GUCA1C: variants seen among roughly 807,000 people sequenced by gnomAD.
GUCA1C encodes guanylate cyclase activator 1C, also known as guanylyl cyclase-activating protein 3.
Under a neutral mutation model 16.2 loss-of-function variants are expected in GUCA1C, and 15 were observed. The ratio of observed to expected loss-of-function variants is 0.93; its 90% confidence interval spans 0.62 to 1.43. The LOEUF (loss-of-function observed/expected upper bound fraction) is 1.43. GUCA1C is among the 40% of genes most tolerant of loss of function. The probability of loss-of-function intolerance (pLI) is 0.00; values close to 1 mark genes in which losing one functional copy is unlikely to be tolerated. For synonymous variants in GUCA1C, 78 were observed against 85.4 expected (o/e 0.91, Z 0.48); for missense variants, 275 against 244.8 (o/e 1.12, Z -0.82).
At chr3:108,947,890 G>T (rs1015660196) in intron 1 of GUCA1C, among the ~76,000 whole-genome samples, 1 of 152,094 alleles carries the variant, frequency 6.6e-6, no homozygotes. Flanking sequence ...CATCAGATTT[G>T]TTAAATATTA....
chr3:108,910,906 C>T lies in GUCA1C; in HGVS notation c.443-2697G>A, dbSNP rs555407286. Among the ~76,000 whole-genome samples the T allele has an allele frequency of 3.9e-5, 6 of 152,086 alleles. No individual in the cohort carries two copies. In the South Asian group the frequency reaches 8.3e-4, roughly 21 times the overall value. ...ACCTCGTGATCCACCCACCTCGGCC[C>T]CCCAAAGTGCTGGGATTACAGGCGT... On this transcript the variant is annotated intron_variant, in intron 3 of 3. Transcript: ENST00000261047.
At chr3:108,924,072 G>T (rs1946596375) in intron 1 of GUCA1C, among the ~76,000 whole-genome samples, 1 of 151,928 alleles carries the variant, frequency 6.6e-6, no homozygotes, top group Non-Finnish European at 1.5e-5. Context: ...AGTTCTTTAG[G>T]TATATGATCA....
chr3:108,953,012 T>TA (rs1489715970), intron 1 of GUCA1C, among the ~76,000 whole-genome samples: 1 of 152,224 alleles, frequency 6.6e-6, no homozygotes, highest in East Asian at 1.9e-4. Flanking sequence ...TGTCTGAATT[T>TA]AAAACTGTTA....
At position 108,931,865 on chromosome 3, in the gene GUCA1C, C is replaced by CTTTTT. The variant is rs59451506; in HGVS notation, c.205-11285_205-11281dup. ...AAGGGAACAGTTTTTTTTCTTCCTT[C>CTTTTT]TTTTTTTTTTTTTTTTTTTTTGAGA... On this transcript the variant is annotated intron_variant, in intron 1 of 3. Transcript: ENST00000261047. 3.4e-3 allele frequency among the ~76,000 whole-genome samples: 372 copies of CTTTTT among 110,074 alleles called. 48 individuals are homozygous for CTTTTT. Among genetic ancestry groups the CTTTTT allele is most frequent in the Non-Finnish European group, 4.2e-3 (236 of 56,550 alleles). 72.2% of individuals were successfully genotyped at this position (110,074 alleles called of 152,430 possible).
chr3:108,935,213 G>A (rs376558691), intron 1 of GUCA1C, among the ~76,000 whole-genome samples: 1 of 152,006 alleles, frequency 6.6e-6, no homozygotes, highest in Non-Finnish European at 1.5e-5. Context: ...GAGAGGAAGG[G>A]AGCAGGTGTT....
intron 1 of GUCA1C, among the ~76,000 whole-genome samples, chr3:108,933,911 C>T (rs749828208): frequency 1.3e-5 from 2 of 152,096 alleles, no homozygotes; most frequent in Non-Finnish European, 2.9e-5. Context: ...TTCACAATAG[C>T]AAAGACTTGG....
intron 1 of GUCA1C, among the ~76,000 whole-genome samples, chr3:108,921,427 T>G (rs1361827900): frequency 6.6e-6 from 1 of 152,194 alleles, no homozygotes; most frequent in Non-Finnish European, 1.5e-5. Context: ...AGATTTCTTG[T>G]GGACTTAAGT....
chr3:108,927,840 A>T (rs1030295382), intron 1 of GUCA1C, among the ~76,000 whole-genome samples: 3 of 152,138 alleles, frequency 2.0e-5, no homozygotes, highest in African/African-American at 7.2e-5. Context: ...TCATTTGGGT[A>T]GACTATAACA....
rs757566635 is a variant in GUCA1C, at chr3:108,908,201, T to C, written c.451A>G (p.Thr151Ala). Reference protein sequence around the residue: ...KIDINNDGELTLEEFINGMAK... With the variant: ...KIDINNDGELALEEFINGMAK... ...ATGCCATTGATAAATTCTTCTAAAG[T>C]CAATTCCCCTGGAAAATAATAAACA... is the stretch of plus-strand genomic sequence containing the variant. Residue 151 changes from threonine to alanine, a missense_variant, in exon 4 of 4, where the codon ACT (threonine) becomes GCT (alanine). Coordinates refer to ENST00000261047, the MANE Select transcript of GUCA1C (RefSeq NM_005459.4). 1 of 1,609,938 alleles carries C rather than the reference T, an allele frequency of 6.2e-7. No homozygotes were observed. Among genetic ancestry groups the C allele is most frequent in the Non-Finnish European group, 8.5e-7 (1 of 1,176,514 alleles).
intron 1 of GUCA1C, among the ~76,000 whole-genome samples, chr3:108,926,683 T>G (rs547542147): frequency 1.3e-5 from 2 of 152,256 alleles, no homozygotes; most frequent in African/African-American, 4.8e-5. Context: ...GATTTCACCA[T>G]GTTAGCTAGG....
chr3:108,953,961 C>T (rs1946925707), upstream of GUCA1C: 6 of 573,648 alleles, frequency 1.0e-5, no homozygotes, highest in South Asian at 1.4e-4. Flanking sequence ...ACCAAGGTCA[C>T]TTGGCACTTG....
At chr3:108,927,443 T>G (rs1314281796) in intron 1 of GUCA1C, among the ~76,000 whole-genome samples, 1 of 151,316 alleles carries the variant, frequency 6.6e-6, no homozygotes, top group Non-Finnish European at 1.5e-5. Context: ...TTTTTTTTTT[T>G]TTTTTGTCTC....
intron 1 of GUCA1C, among the ~76,000 whole-genome samples, chr3:108,927,822 G>T (rs1379167492): frequency 2.0e-5 from 3 of 152,060 alleles, no homozygotes; most frequent in Non-Finnish European, 4.4e-5. Flanking sequence ...TGTTTTTCTG[G>T]TTCCTTCTCA....
intron 3 of GUCA1C, chr3:108,915,905 T>C (rs903266855): frequency 3.8e-5 from 21 of 556,652 alleles, no homozygotes; most frequent in South Asian, 8.6e-5. Flanking sequence ...TTACTCTTTA[T>C]ATATCCCAAC....
At chr3:108,923,668 AT>A (rs1209319976) in intron 1 of GUCA1C, among the ~76,000 whole-genome samples, 1 of 151,410 alleles carries the variant, frequency 6.6e-6, no homozygotes, top group Non-Finnish European at 1.5e-5. Context: ...GAATTTTAGA[AT>A]TTTTTTTCTA....
intron 1 of GUCA1C, among the ~76,000 whole-genome samples, chr3:108,951,971 C>A (rs1247423936): frequency 6.6e-6 from 1 of 152,222 alleles, no homozygotes; most frequent in African/African-American, 2.4e-5. Flanking sequence ...CTGACATGTA[C>A]AATGCGTTCA....
At chr3:108,941,049 C>T (rs1287887831) in intron 1 of GUCA1C, among the ~76,000 whole-genome samples, 3 of 145,162 alleles carry the variant, frequency 2.1e-5, no homozygotes, top group African/African-American at 7.4e-5. Context: ...AAGAGATTCC[C>T]TAAGGGGCTC....
intron 1 of GUCA1C, among the ~76,000 whole-genome samples, chr3:108,934,395 G>C (rs561542033): frequency 2.8e-4 from 43 of 152,242 alleles, no homozygotes; most frequent in Middle Eastern, 6.8e-3. Flanking sequence ...AGAGAAGAAG[G>C]AATGTTTATA....
intron 1 of GUCA1C, among the ~76,000 whole-genome samples, chr3:108,924,140 T>C (rs1283708875): frequency 2.0e-5 from 3 of 152,190 alleles, no homozygotes; most frequent in Non-Finnish European, 4.4e-5. Flanking sequence ...ATTCCCTTTA[T>C]TTCTTTCTCT....
Sources: gnomAD v4.1 joint callset for allele counts (sites outside exome capture counted in the v4.1 genomes callset) on GRCh38, gnomAD v4.1.1 for gene constraint, MANE v1.5 for transcripts, NCBI Gene and HGNC (gene_info 2026-07-23, HGNC 2026-07-21) for gene names.